GDF9: variants seen among roughly 807,000 people sequenced by gnomAD.
GDF9 encodes the protein growth differentiation factor 9.
In GDF9, 30 loss-of-function variants were observed where a neutral mutation model predicts 33.8. The observed-to-expected ratio is 0.89, with a 90% CI of 0.66 to 1.20. The LOEUF (loss-of-function observed/expected upper bound fraction) is 1.20. GDF9 is among the 50% of genes most tolerant of loss of function. The pLI is 0.00. For synonymous variants in GDF9, 205 were observed against 200.7 expected, an observed-to-expected ratio of 1.02 and a Z score of -0.18; for missense variants, 556 against 543.7, an observed-to-expected ratio of 1.02 and a Z score of -0.22.
chr5:132,862,228 G>A lies in GDF9; in HGVS notation c.726C>T (p.Asp242=). 6.2e-7 allele frequency: 1 copy of A among 1,613,532 alleles called. No individual in the cohort carries two copies. Among genetic ancestry groups the A allele is most frequent in the Non-Finnish European group, 8.5e-7 (1 of 1,179,406 alleles). ...HMSINFTCMK[D]QLEHPSAQNG... Reference sequence around the variant, plus strand: ...TCTGTGCTGAAGGATGCTCCAGCTGGTCTTTCATGCAAGTAAAATTTATAG... The same window carrying A: ...TCTGTGCTGAAGGATGCTCCAGCTGATCTTTCATGCAAGTAAAATTTATAG... The change falls in exon 2 of 2, where the codon GAC becomes GAT. Residue 242 remains aspartate (D), a synonymous_variant. Transcript: ENST00000687138.
In GDF9 at chr5:132,861,682, G is replaced by A; in HGVS notation, c.1272C>T (p.Tyr424=). 6.2e-7 allele frequency: 1 copy of A among 1,610,398 alleles called. No individual in the cohort carries two copies. The highest frequency in any genetic ancestry group is 8.5e-7 in the Non-Finnish European group (1 of 1,176,560). The change falls in exon 2 of 2, where the codon TAC becomes TAT. Residue 424 remains tyrosine, a synonymous_variant. Transcript: ENST00000687138. ...VPRPSCVPAK[Y]SPLSVLTIEP... is the part of the protein sequence containing the mutation. ...CAATGGTCAAAACACTCAAGGGGCT[G>A]TATTTGGCAGGTACACATGACGGTC...
chr5:132,864,365 C>A lies in GDF9; in HGVS notation c.169G>T (p.Asp57Tyr), dbSNP rs138136756. 8.5e-4 allele frequency: 1,364 copies of A among 1,614,170 alleles called. 18 individuals carry two copies. In the East Asian group the frequency reaches 0.027, roughly 33 times the overall value. ...AGCGCGGGAAGGAGGCCAGCTCTGT[C>A]TCTCTCATCTATATGCTGCAGCAAG... ...WSLLQHIDER[D>Y]RAGLLPALFK... The change falls in exon 1 of 2, where the codon GAC (aspartate) becomes TAC (tyrosine). Residue 57 changes from aspartate to tyrosine, a missense_variant. Transcript: ENST00000687138.
chr5:132,861,596 C>G lies in GDF9; in HGVS notation c.1358G>C (p.Cys453Ser), dbSNP rs1411916074. The G allele has an allele frequency of 6.2e-7, 1 of 1,613,644 alleles. No individual in the cohort carries two copies. The highest frequency in any genetic ancestry group is 1.3e-5 in the African/African-American group (1 of 74,922). The change falls in exon 2 of 2, where the codon TGT becomes TCT. Residue 453 changes from cysteine to serine, a missense_variant. Coordinates refer to ENST00000687138, the MANE Select transcript of GDF9 (RefSeq NM_005260.7). ...TTTTAAGAGGACCATTTGTTAACGA[C>G]AGGTGCACTTTGTAGCTATCATATC... ...YEDMIATKCT[C>S]R
At chr5:132,863,979 C>A (rs1163117893) in intron 1 of GDF9, among the ~76,000 whole-genome samples, 158 bp downstream of exon 1, 4 of 152,154 alleles carry the variant, frequency 2.6e-5, no homozygotes, top group Non-Finnish European at 5.9e-5. Flanking sequence ...TAGGAATAAA[C>A]AATAAGCTCA....
At chr5:132,862,728 C>T (rs1386041871) in intron 1 of GDF9, among the ~76,000 whole-genome samples, 172 bp from the exon 2 acceptor site, 1 of 152,116 alleles carries the variant, frequency 6.6e-6, no homozygotes, top group Admixed American at 6.5e-5. Flanking sequence ...CAATTGGTAT[C>T]ATTACTAATT....
Position 132,861,185 on chromosome 5 carries a change from T to C in GDF9, c.*404A>G, listed in dbSNP as rs1224483575. The C allele has an allele frequency of 1.1e-5, 2 of 180,450 alleles. No individual in the cohort carries two copies. The highest frequency in any genetic ancestry group is 1.1e-4 in the Admixed American group (2 of 17,858). The allele number at this position is 180,450 out of a possible 1,614,324, so 11.2% of individuals were successfully genotyped here. A position where few individuals can be genotyped will look rare whatever the true frequency, so the allele number is the denominator to read the frequency against. On this transcript the variant is annotated 3_prime_UTR_variant, in exon 2 of 2. Transcript: ENST00000687138. Reference sequence around the variant, plus strand: ...TTTAATAAAACACACACAAAATTTATGCCATTGACAGAAATTTATTCTTCT... The same window carrying C: ...TTTAATAAAACACACACAAAATTTACGCCATTGACAGAAATTTATTCTTCT...
chr5:132,862,762 T>G (rs914530350), intron 1 of GDF9, among the ~76,000 whole-genome samples: 45 of 152,224 alleles, frequency 3.0e-4, no homozygotes, highest in African/African-American at 8.7e-4. Flanking sequence ...CTGGACATTT[T>G]ATCTCCAGAA....
At position 132,861,860 on chromosome 5, in the gene GDF9, A is replaced by G. The variant is rs1389685271; in HGVS notation, c.1094T>C (p.Leu365Pro). The stretch of plus-strand genomic sequence containing the variant: ...AGCCACAATCCAGTTGTCCCACTTC[A>G]GCTGACTAAAGCTAAGTCTAAAGTC... The part of the protein sequence containing the change: ...LHDFRLSFSQ[L>P]KWDNWIVAPH... The change falls in exon 2 of 2, where the codon CTG (leucine) becomes CCG (proline). Residue 365 changes from leucine (L) to proline (P), a missense_variant. By Grantham distance (98) the Leu-to-Pro change is moderately conservative (BLOSUM62 -3). Transcript: ENST00000687138. 2 of 1,613,932 alleles carry G rather than the reference A, an allele frequency of 1.2e-6. No homozygotes were observed. The highest frequency in any genetic ancestry group is 1.1e-5 in the South Asian group (1 of 91,082).
At position 132,862,221 on chromosome 5, in the gene GDF9, C is replaced by T; in HGVS notation, c.733G>A (p.Glu245Lys). The change falls in exon 2 of 2, where the codon GAG becomes AAG. Residue 245 changes from glutamate (E) to lysine (K), a missense_variant. Transcript: ENST00000687138. The stretch of plus-strand genomic sequence containing the variant: ...AAACCATTCTGTGCTGAAGGATGCT[C>T]CAGCTGGTCTTTCATGCAAGTAAAA... ...INFTCMKDQL[E>K]HPSAQNGLFN... The T allele has an allele frequency of 6.2e-7, 1 of 1,613,350 alleles. No individual in the cohort carries two copies. Among genetic ancestry groups the T allele is most frequent in the Non-Finnish European group, 8.5e-7 (1 of 1,179,250 alleles).
In GDF9 at chr5:132,862,120, C is replaced by A. The variant is rs1434713835; in HGVS notation, c.834G>T (p.Trp278Cys). The change falls in exon 2 of 2, where the codon TGG (tryptophan) becomes TGT (cysteine). Residue 278 changes from tryptophan to cysteine, a missense_variant. Trp to Cys is a radical substitution (Grantham distance 215). Coordinates refer to ENST00000687138, the MANE Select transcript of GDF9 (RefSeq NM_005260.7). ...NDTSAQAYHSWYSLHYKRRPS... is the reference protein window; with the variant it reads ...NDTSAQAYHSCYSLHYKRRPS... ...GCCTCCTTTTATAGTGAAGGGAATA[C>A]CAGCTGTGATAAGCCTGAGCACTTG... 2.5e-6 allele frequency: 4 copies of A among 1,613,178 alleles called. No individual in the cohort carries two copies. The highest frequency in any genetic ancestry group is 1.3e-5 in the African/African-American group (1 of 74,914).
rs1163769613 is a variant in GDF9, at chr5:132,861,588, G to A, written c.*1C>T. On this transcript the variant is annotated 3_prime_UTR_variant, in exon 2 of 2. Coordinates refer to ENST00000687138, the MANE Select transcript of GDF9 (RefSeq NM_005260.7). ...GCTCAAGGTTTTAAGAGGACCATTTGTTAACGACAGGTGCACTTTGTAGCT... is the reference window on the plus strand; with the variant it reads ...GCTCAAGGTTTTAAGAGGACCATTTATTAACGACAGGTGCACTTTGTAGCT... The A allele has an allele frequency of 1.9e-6, 3 of 1,613,366 alleles. No homozygotes were observed. Among genetic ancestry groups the A allele is most frequent in the Non-Finnish European group, 1.7e-6 (2 of 1,179,398 alleles).
In GDF9 at chr5:132,861,852, C is replaced by T; in HGVS notation, c.1102G>A (p.Asp368Asn). The change falls in exon 2 of 2, where the codon GAC (aspartate) becomes AAC (asparagine). Residue 368 changes from aspartate (D) to asparagine (N), a missense_variant. Transcript: ENST00000687138. The part of the protein sequence containing the change: ...FRLSFSQLKW[D>N]NWIVAPHRYN... ...CTGTGCGGAGCCACAATCCAGTTGT[C>T]CCACTTCAGCTGACTAAAGCTAAGT... The T allele has an allele frequency of 6.2e-7, 1 of 1,614,004 alleles. No homozygotes were observed. The highest frequency in any genetic ancestry group is 8.5e-7 in the Non-Finnish European group (1 of 1,179,856).
chr5:132,862,723 G>A (rs958587803), intron 1 of GDF9, among the ~76,000 whole-genome samples, 167 bp from the exon 2 acceptor site: 1 of 152,106 alleles, frequency 6.6e-6, no homozygotes, highest in Non-Finnish European at 1.5e-5. Flanking sequence ...GAAGGCAATT[G>A]GTATCATTAC....
In GDF9 at chr5:132,864,274, T is replaced by C. The variant is rs1759457247; in HGVS notation, c.260A>G (p.His87Arg). 1.2e-6 allele frequency: 2 copies of C among 1,614,104 alleles called. No individual in the cohort carries two copies. Among genetic ancestry groups the C allele is most frequent in the Non-Finnish European group, 1.7e-6 (2 of 1,180,044 alleles). The change falls in exon 1 of 2, where the codon CAC (histidine) becomes CGC (arginine). Residue 87 changes from histidine to arginine, a missense_variant. By Grantham distance (29) the His-to-Arg change is conservative. Coordinates refer to ENST00000687138, the MANE Select transcript of GDF9 (RefSeq NM_005260.7). The stretch of plus-strand genomic sequence containing the variant: ...TGTCTTATAGAGCTTCTTCATGTAG[T>C]GCAAAGCTCTGGAGTCTGGCTGCAG... ...PRLQPDSRAL[H>R]YMKKLYKTYA...
Position 132,862,035 on chromosome 5 carries a change from C to T in GDF9, c.919G>A (p.Ala307Thr). 2 of 1,613,924 alleles carry T rather than the reference C, an allele frequency of 1.2e-6. No homozygotes were observed. The highest frequency in any genetic ancestry group is 1.7e-6 in the Non-Finnish European group (2 of 1,179,788). Residue 307 changes from alanine (A) to threonine (T), a missense_variant, in exon 2 of 2, where the codon GCT (alanine) becomes ACT (threonine). Transcript: ENST00000687138. ...LSAYPVGEEAAEDGRSSHHRH... is the reference protein window; with the variant it reads ...LSAYPVGEEATEDGRSSHHRH... ...TGATGGGAAGATCTCCCATCCTCAGCAGCCTCTTCTCCCACAGGATAGGCA... is the reference window on the plus strand; with the variant it reads ...TGATGGGAAGATCTCCCATCCTCAGTAGCCTCTTCTCCCACAGGATAGGCA...
rs147759815 is a variant in GDF9, at chr5:132,863,888, C to T, written c.397+249G>A. On this transcript the variant is annotated intron_variant, in intron 1 of 1. Transcript: ENST00000687138. The stretch of plus-strand genomic sequence containing the variant: ...TGCTAACATTCTCTAGCAGCACTTC[C>T]GCTCAGCCTTGAAAGCCATTAAGTC... Among the ~76,000 whole-genome samples, 114 of 152,290 alleles carry T rather than the reference C, an allele frequency of 7.5e-4. 2 individuals carry two copies. The Middle Eastern group carries it at 0.017, about 23-fold the overall frequency.
chr5:132,865,587 T>C lies in GDF9; in HGVS notation c.-1054A>G, dbSNP rs1352596763. The C allele has an allele frequency of 6.6e-6, 1 of 152,108 alleles. No individual in the cohort carries two copies. 9.4% of individuals were successfully genotyped at this position (152,108 alleles called of 1,614,324 possible). A position where few individuals can be genotyped will look rare whatever the true frequency, so the allele number is the denominator to read the frequency against. The stretch of plus-strand genomic sequence containing the variant: ...TGCTGGAAGAGTCAGCCTACACTCA[T>C]AGTGCAAGATACGAAGCCAGTTTGT... On this transcript the variant is annotated 5_prime_UTR_variant, in exon 1 of 2. An upstream start codon of the reference 5' UTR is lost. Transcript: ENST00000687138.
rs757377726 is a variant in GDF9, at chr5:132,862,076, T to C, written c.878A>G (p.Gln293Arg). 1.2e-6 allele frequency: 2 copies of C among 1,614,124 alleles called. No homozygotes were observed. Among genetic ancestry groups the C allele is most frequent in the South Asian group, 1.1e-5 (1 of 91,090 alleles). Residue 293 changes from glutamine to arginine, a missense_variant, in exon 2 of 2, where the codon CAG (glutamine) becomes CGG (arginine). By Grantham distance (43) the Gln-to-Arg change is conservative. Transcript: ENST00000687138. ...AGGATAGGCAGACAGACTTCTCTCC[T>C]GGTCAGGACCCTGGGAAGGCCTCCT... ...YKRRPSQGPDQERSLSAYPVG... is the reference protein window; with the variant it reads ...YKRRPSQGPDRERSLSAYPVG...
In GDF9 at chr5:132,864,381, C is replaced by G; in HGVS notation, c.153G>C (p.Gln51His). The G allele has an allele frequency of 6.2e-7, 1 of 1,614,028 alleles. No homozygotes were observed. Among genetic ancestry groups the G allele is most frequent in the Non-Finnish European group, 8.5e-7 (1 of 1,179,944 alleles). ...ESGAMPWSLL[Q>H]HIDERDRAGL... ...CAGCTCTGTCTCTCTCATCTATATG[C>G]TGCAGCAAGGACCAAGGCATAGCCC... The change falls in exon 1 of 2, where the codon CAG (glutamine) becomes CAC (histidine). Residue 51 changes from glutamine to histidine, a missense_variant. By Grantham distance (24) the Gln-to-His change is conservative. Transcript: ENST00000687138.
Sources: allele counts gnomAD v4.1 joint callset (sites outside exome capture counted in the v4.1 genomes callset), GRCh38; gene constraint gnomAD v4.1.1; transcripts MANE v1.5; gene names NCBI Gene and HGNC (gene_info 2026-07-23, HGNC 2026-07-21).